NRXN3: variants seen among roughly 807,000 people sequenced by gnomAD.
The protein encoded by NRXN3 is neurexin III.
Under a neutral mutation model 137.6 loss-of-function variants are expected in NRXN3, and 32 were observed. That is an observed-to-expected ratio of 0.23 (90% CI 0.18 to 0.31). The LOEUF is 0.31. Among genes scored for constraint, NRXN3 ranks in the 10% least tolerant of loss-of-function variants. NRXN3 has a pLI of 1.00. For synonymous variants in NRXN3, 798 were observed against 784.5 expected (o/e 1.02, Z -0.29); for missense variants, 1,574 against 2,062.5 (o/e 0.76, Z 4.59).
chr14:78,577,221 T>G (rs987598620), intron 4 of NRXN3, among the ~76,000 whole-genome samples: 12 of 152,208 alleles, frequency 7.9e-5, no homozygotes, highest in Non-Finnish European at 1.0e-4. Context: ...CTACACATCT[T>G]TTAACTTTGC....
chr14:79,767,494 A>G, intron 19 of NRXN3, among the ~76,000 whole-genome samples: 1 of 152,160 alleles, frequency 6.6e-6, no homozygotes, highest in East Asian at 1.9e-4. Flanking sequence ...AGTGCTATAA[A>G]TTGTCAGTGA....
At chr14:79,084,194 G>A (rs1235247780) in intron 15 of NRXN3, among the ~76,000 whole-genome samples, 1 of 152,092 alleles carries the variant, frequency 6.6e-6, no homozygotes, top group Non-Finnish European at 1.5e-5. Context: ...GATTATAGAT[G>A]TGAGTCACTG....
At chr14:78,784,079 A>T (rs1041311304) in intron 8 of NRXN3, among the ~76,000 whole-genome samples, 1 of 151,732 alleles carries the variant, frequency 6.6e-6, no homozygotes, top group African/African-American at 2.4e-5. Context: ...AAAAAAAAAA[A>T]AACAACACCA....
chr14:78,743,872 C>G (rs1479731259), intron 8 of NRXN3, among the ~76,000 whole-genome samples: 1 of 152,112 alleles, frequency 6.6e-6, no homozygotes, highest in African/African-American at 2.4e-5. Flanking sequence ...CTAGGATCAT[C>G]TAGGGGATAC....
chr14:78,926,815 ATATAT>A (rs1170936621), intron 10 of NRXN3, among the ~76,000 whole-genome samples: 1 of 50,634 alleles, frequency 2.0e-5, no homozygotes, highest in South Asian at 4.4e-4. Context: ...TATATATATT[ATATAT>A]TATATATAAT....
intron 15 of NRXN3, among the ~76,000 whole-genome samples, chr14:79,086,932 T>A (rs1383988604): frequency 1.3e-5 from 2 of 152,190 alleles, no homozygotes; most frequent in Non-Finnish European, 2.9e-5. Flanking sequence ...CTTAATTATG[T>A]CAATTGTCTG....
rs189549993 is a variant in NRXN3, at chr14:79,133,386, C to G, written c.3262+145245C>G. Among the ~76,000 whole-genome samples the G allele has an allele frequency of 4.3e-4, 65 of 151,938 alleles. No individual in the cohort carries two copies. The South Asian group carries it at 5.7e-3, about 13-fold the overall frequency. The stretch of plus-strand genomic sequence containing the variant: ...CAGACCAGACTGACTTGAGCCCAGC[C>G]GTAATTGGAGACCAGATTCAAGGCT... On this transcript the variant is annotated intron_variant, in intron 15 of 20. Transcript: ENST00000335750.
intron 16 of NRXN3, among the ~76,000 whole-genome samples, chr14:79,604,951 G>C (rs1176829371): frequency 6.6e-6 from 1 of 152,076 alleles, no homozygotes; most frequent in African/African-American, 2.4e-5. Context: ...AGAATCGCTT[G>C]AACCCAGGAG....
intron 15 of NRXN3, among the ~76,000 whole-genome samples, chr14:79,389,687 T>G (rs565405726): frequency 3.3e-5 from 5 of 152,358 alleles, no homozygotes; most frequent in African/African-American, 1.2e-4. Flanking sequence ...CTTTTAGTTA[T>G]GAAAACCTGT....
chr14:78,406,981 A>G (rs2092526175), intron 4 of NRXN3, among the ~76,000 whole-genome samples: 1 of 152,178 alleles, frequency 6.6e-6, no homozygotes, highest in Non-Finnish European at 1.5e-5. Context: ...CTAAAAGTCA[A>G]CAGGTGCTCA....
intron 1 of NRXN3, among the ~76,000 whole-genome samples, chr14:78,174,682 A>T (rs1464866617): frequency 6.6e-6 from 1 of 152,088 alleles, no homozygotes; most frequent in Non-Finnish European, 1.5e-5. Context: ...GGCTCTGGAC[A>T]GGTGTGGTAG....
intron 15 of NRXN3, among the ~76,000 whole-genome samples, chr14:79,303,617 G>C (rs1440521152): frequency 6.6e-6 from 1 of 151,966 alleles, no homozygotes; most frequent in African/African-American, 2.4e-5. Flanking sequence ...GTCAGAAGTT[G>C]GCAAATTTTT....
intron 20 of NRXN3, among the ~76,000 whole-genome samples, chr14:79,824,125 A>G (rs949490329): frequency 7.9e-5 from 12 of 152,312 alleles, no homozygotes; most frequent in Admixed American, 7.2e-4. Context: ...TCTCATCTGT[A>G]CATCTGCTGG....
At chr14:78,818,925 T>A (rs1230538560) in intron 10 of NRXN3, among the ~76,000 whole-genome samples, 1 of 152,202 alleles carries the variant, frequency 6.6e-6, no homozygotes, top group African/African-American at 2.4e-5. Flanking sequence ...GAGTCTCTTA[T>A]GGATTTTGTT....
At chr14:79,528,467 G>A (rs545152510) in intron 16 of NRXN3, among the ~76,000 whole-genome samples, 1 of 152,226 alleles carries the variant, frequency 6.6e-6, no homozygotes, top group African/African-American at 2.4e-5. Flanking sequence ...AGTAGAGTAA[G>A]TTATACAAGA....
At chr14:79,690,646 G>A (rs1197164543) in intron 17 of NRXN3, among the ~76,000 whole-genome samples, 1 of 152,000 alleles carries the variant, frequency 6.6e-6, no homozygotes, top group East Asian at 1.9e-4. Flanking sequence ...CAGCTTGTTA[G>A]AATAATTTGT....
At chr14:79,745,366 G>T (rs2098976515) in intron 19 of NRXN3, among the ~76,000 whole-genome samples, 1 of 152,098 alleles carries the variant, frequency 6.6e-6, no homozygotes, top group Admixed American at 6.6e-5. Context: ...TAGATGTGAA[G>T]AAACCATTTC....
chr14:78,517,673 T>C (rs1263047851), intron 4 of NRXN3, among the ~76,000 whole-genome samples: 1 of 152,164 alleles, frequency 6.6e-6, no homozygotes, highest in African/African-American at 2.4e-5. Flanking sequence ...TATCAAAGTG[T>C]ACAGCCCAAG....
chr14:78,696,884 C>T (rs932523444), intron 6 of NRXN3, among the ~76,000 whole-genome samples: 1 of 152,096 alleles, frequency 6.6e-6, no homozygotes, highest in African/African-American at 2.4e-5. Flanking sequence ...ACTGCCATCA[C>T]CACCACTGTC....
Sources: gnomAD v4.1 joint callset for allele counts (sites outside exome capture counted in the v4.1 genomes callset) on GRCh38, gnomAD v4.1.1 for gene constraint, MANE v1.5 for transcripts, NCBI Gene and HGNC (gene_info 2026-07-23, HGNC 2026-07-21) for gene names.